FBLN1: variants seen among roughly 807,000 people sequenced by gnomAD.
The protein encoded by FBLN1 is fibulin 1.
A neutral mutation model predicts 89.7 loss-of-function variants in FBLN1; 34 were observed. The ratio of observed to expected loss-of-function variants is 0.38; its 90% CI spans 0.29 to 0.50. The LOEUF is 0.50. Among genes scored for constraint, FBLN1 ranks in the 20% least tolerant of loss-of-function variants. The pLI, the probability that FBLN1 is intolerant of heterozygous loss-of-function variation, is 0.92. For synonymous variants in FBLN1, 393 were observed against 391.3 expected (o/e 1.00, Z -0.05); for missense variants, 777 against 988.1 (o/e 0.79, Z 2.86).
At chr22:45,540,451 C>T (rs2088540707) in intron 8 of FBLN1, among the ~76,000 whole-genome samples, 2 of 152,156 alleles carry the variant, frequency 1.3e-5, no homozygotes, top group South Asian at 4.1e-4. Context: ...CAGCTGTCCT[C>T]CTTTCTGACT....
chr22:45,590,614 C>G lies in FBLN1; in HGVS notation c.1973-9693C>G, dbSNP rs134824. ...GAGGGGTGAAAAGGAAGGTGGTACA[C>G]GTGTTCAGGTAGATGCGACGAGGCC... On this transcript the variant is annotated intron_variant, in intron 16 of 16. Transcript: ENST00000327858. The surrounding 1 kb of genome is among the most constrained non-coding windows in gnomAD (Gnocchi z 4.1). 6.6e-6 allele frequency among the ~76,000 whole-genome samples: 1 copy of G among 152,064 alleles called. No individual in the cohort carries two copies. Among genetic ancestry groups the G allele is most frequent in the Non-Finnish European group, 1.5e-5 (1 of 68,018 alleles).
intron 14 of FBLN1, chr22:45,565,129 T>G (rs778152247): frequency 1.9e-6 from 3 of 1,586,386 alleles, no homozygotes. Flanking sequence ...CATGCCAGGT[T>G]TGCACCAGCC....
Position 45,550,739 on chromosome 22 carries a change from C to G in FBLN1, c.1697+124C>G, listed in dbSNP as rs2146995377. ...CCTCCCATGAGGGACTCAGGGCACT[C>G]AAAGATCACCTGATCCCTGGCCCTC... is the stretch of plus-strand genomic sequence containing the variant. On this transcript the variant is annotated intron_variant, in intron 14 of 16. Transcript: ENST00000327858. The surrounding 1 kb of genome is among the most constrained non-coding windows in gnomAD (Gnocchi z 8.4). 1.5e-6 allele frequency: 2 copies of G among 1,356,748 alleles called. No homozygotes were observed. Among genetic ancestry groups the G allele is most frequent in the Non-Finnish European group, 2.1e-6 (2 of 954,288 alleles). The allele number at this position is 1,356,748 out of a possible 1,614,324, so 84.0% of individuals were successfully genotyped here. A position where few individuals can be genotyped will look rare whatever the true frequency, so the allele number is the denominator to read the frequency against.
intron 4 of FBLN1, 61 bp downstream of exon 4, chr22:45,528,070 T>C (rs953639479): frequency 2.5e-6 from 4 of 1,574,268 alleles, no homozygotes; most frequent in South Asian, 1.1e-5. Flanking sequence ...GATGTGTATA[T>C]AGAGCGAGAG....
Position 45,504,783 on chromosome 22 carries a change from G to A in FBLN1, c.79+1719G>A, listed in dbSNP as rs538545984. Reference sequence around the variant, plus strand: ...GTGTGGCTCACTGCTGAGCCACAGAGAAGTTTGTAATTGGAAGGGTTTAAA... The same window carrying A: ...GTGTGGCTCACTGCTGAGCCACAGAAAAGTTTGTAATTGGAAGGGTTTAAA... On this transcript the variant is annotated intron_variant, in intron 1 of 16. Coordinates refer to ENST00000327858, the MANE Select transcript of FBLN1 (RefSeq NM_006486.3). Among the ~76,000 whole-genome samples, 12 of 152,330 alleles carry A rather than the reference G, an allele frequency of 7.9e-5. 1 individual carries two copies. The South Asian group carries it at 2.3e-3, about 29-fold the overall frequency.
In FBLN1 at chr22:45,503,002, C is replaced by T. The variant is rs1219109362; in HGVS notation, c.17C>T (p.Pro6Leu). 3.2e-6 allele frequency: 4 copies of T among 1,230,956 alleles called. No homozygotes were observed. The highest frequency in any genetic ancestry group is 4.1e-6 in the Non-Finnish European group (4 of 987,330). 76.3% of individuals were successfully genotyped at this position (1,230,956 alleles called of 1,614,324 possible). Residue 6 changes from proline to leucine, a missense_variant, in exon 1 of 17, where the codon CCG becomes CTG. Transcript: ENST00000327858. ...CCGCCGCCCATGGAGCGCGCCGCGC[C>T]GTCGCGCCGGGTCCCGCTTCCGCTG... Reference protein sequence around the residue: MERAAPSRRVPLPLLL... With the variant: MERAALSRRVPLPLLL...
Position 45,550,554 on chromosome 22 carries a change from C to G in FBLN1, c.1636C>G (p.Gln546Glu). ...CATCAACGAGACCTGCTTCAACATCCAGGGCGGCTTCCGCTGCCTGGCCTT... is the reference window on the plus strand; with the variant it reads ...CATCAACGAGACCTGCTTCAACATCGAGGGCGGCTTCCGCTGCCTGGCCTT... The part of the protein sequence containing the change: ...CSINETCFNI[Q>E]GGFRCLAFEC... The change falls in exon 14 of 17, where the codon CAG (glutamine) becomes GAG (glutamate). Residue 546 changes from glutamine to glutamate, a missense_variant. Gln to Glu is a conservative substitution (Grantham distance 29, BLOSUM62 2). Transcript: ENST00000327858. The surrounding 1 kb of genome is among the most constrained non-coding windows in gnomAD (Gnocchi z 8.4). The G allele has an allele frequency of 1.2e-6, 2 of 1,614,150 alleles. No individual in the cohort carries two copies. The highest frequency in any genetic ancestry group is 1.7e-6 in the Non-Finnish European group (2 of 1,180,050).
intron 1 of FBLN1, among the ~76,000 whole-genome samples, chr22:45,508,034 G>T (rs1360599328): frequency 1.3e-5 from 2 of 152,072 alleles, no homozygotes; most frequent in Admixed American, 6.5e-5. Context: ...CCCACAGCAC[G>T]GGGACTCGAG....
At chr22:45,591,361 A>AG (rs3838172) in intron 16 of FBLN1, among the ~76,000 whole-genome samples, 45,938 of 152,008 alleles carry the variant, frequency 0.3, 10,491 homozygotes, top group African/African-American at 0.64. Context: ...TGAAGGCTGA[A>AG]GGGCTTTAGT....
At chr22:45,528,119 C>G in intron 4 of FBLN1, 110 bp downstream of exon 4, 1 of 1,210,768 alleles carries the variant, frequency 8.3e-7, no homozygotes, top group Non-Finnish European at 1.1e-6. Context: ...CTCATGTGAT[C>G]GTGGGGCTGG....
intron 8 of FBLN1, among the ~76,000 whole-genome samples, chr22:45,539,084 C>T (rs1222434963): frequency 1.4e-5 from 2 of 139,840 alleles, no homozygotes; most frequent in Admixed American, 7.2e-5. Context: ...TCCTCTTCCC[C>T]CTCCCATCCT....
At chr22:45,516,640 G>A (rs1465624609) in intron 1 of FBLN1, among the ~76,000 whole-genome samples, 2 of 152,056 alleles carry the variant, frequency 1.3e-5, no homozygotes, top group African/African-American at 4.8e-5. Context: ...CTGGAGAGGG[G>A]ACACCTGAGG....
At position 45,531,230 on chromosome 22, in the gene FBLN1, G is replaced by C. The variant is rs750937154; in HGVS notation, c.485-35G>C. On this transcript the variant is annotated intron_variant, in intron 4 of 16. Transcript: ENST00000327858. The surrounding 1 kb of genome is among the most constrained non-coding windows in gnomAD (Gnocchi z 4.9). Reference sequence around the variant, plus strand: ...TTCTTTTAAGATAAGATGGGTGTTTGGATAAATGTCTGACTTGGTCTTTTT... The same window carrying C: ...TTCTTTTAAGATAAGATGGGTGTTTCGATAAATGTCTGACTTGGTCTTTTT... 18 of 1,594,048 alleles carry C rather than the reference G, an allele frequency of 1.1e-5. No homozygotes were observed. In the Admixed American group the frequency reaches 2.8e-4, roughly 25 times the overall value.
At chr22:45,584,682 C>T (rs963032115) in intron 16 of FBLN1, among the ~76,000 whole-genome samples, 3 of 151,806 alleles carry the variant, frequency 2.0e-5, no homozygotes, top group Admixed American at 6.5e-5. Flanking sequence ...AAATGAGCCG[C>T]TGGGAGGAAG....
At chr22:45,535,921 G>A (rs1414689724) in intron 8 of FBLN1, among the ~76,000 whole-genome samples, 6 of 152,208 alleles carry the variant, frequency 3.9e-5, no homozygotes, top group South Asian at 2.1e-4. Flanking sequence ...AGTGGGTCAC[G>A]CCTGTAATCC....
chr22:45,600,104 T>C lies in FBLN1; in HGVS notation c.1973-203T>C, dbSNP rs534915152. On this transcript the variant is annotated intron_variant, in intron 16 of 16. Coordinates refer to ENST00000327858, the MANE Select transcript of FBLN1 (RefSeq NM_006486.3). ...CAAGTAGTGAGTTCACTTTCACCAG[T>C]CCCTGGAGGCAGGAGCAGAGCCTGA... is the stretch of plus-strand genomic sequence containing the variant. Among the ~76,000 whole-genome samples the C allele has an allele frequency of 1.6e-4, 25 of 152,280 alleles. No individual in the cohort carries two copies. The South Asian group carries it at 5.2e-3, about 32-fold the overall frequency.
rs2088272685 is a variant in FBLN1 at position 45,523,098 on chromosome 22, G to A, written c.186-2445G>A. The stretch of plus-strand genomic sequence containing the variant: ...GTGGGTTTATAATTTTAGAGCCGTG[G>A]GGTTGGCCTCACTGTGCCAGGACCT... On this transcript the variant is annotated intron_variant, in intron 2 of 16. Transcript: ENST00000327858. The A allele has an allele frequency of 3.9e-6, 3 of 771,794 alleles. No individual in the cohort carries two copies. The African/African-American group carries it at 5.1e-5, about 13-fold the overall frequency. The allele number at this position is 771,794 out of a possible 1,614,324, so 47.8% of individuals were successfully genotyped here. A position where few individuals can be genotyped will look rare whatever the true frequency, so the allele number is the denominator to read the frequency against.
rs1283418594 is a variant in FBLN1 at position 45,575,996 on chromosome 22, AGCCG to A, written c.1841-980_1841-977del. ...CTCAGGGGAGGCATGCAACGGAGCC[AGCCG>A]CGAGGACACCAGTGTTTACACCATG... On this transcript the variant is annotated intron_variant, in intron 15 of 16. Transcript: ENST00000327858. The surrounding 1 kb of genome is among the most constrained non-coding windows in gnomAD (Gnocchi z 6.3). Among the ~76,000 whole-genome samples, 1 of 152,074 alleles carries A rather than the reference AGCCG, an allele frequency of 6.6e-6. No homozygotes were observed. Among genetic ancestry groups the A allele is most frequent in the African/African-American group, 2.4e-5 (1 of 41,402 alleles).
chr22:45,528,375 T>C (rs1007214165), intron 4 of FBLN1, among the ~76,000 whole-genome samples: 8 of 152,150 alleles, frequency 5.3e-5, no homozygotes, highest in Admixed American at 3.3e-4. Context: ...AATCTCTCTC[T>C]GTCACCCAGG....
Sources: gnomAD v4.1 joint callset for allele counts (sites outside exome capture counted in the v4.1 genomes callset) on GRCh38, gnomAD v4.1.1 for gene constraint, Gnocchi (gnomAD v3.1) non-coding constraint, MANE v1.5 for transcripts, NCBI Gene and HGNC (gene_info 2026-07-23, HGNC 2026-07-21) for gene names.